USH1C: variants seen among roughly 807,000 people sequenced by gnomAD.
USH1C encodes harmonin.
USH1C carries 90 observed loss-of-function variants against 119.3 expected under a neutral mutation model. That is an observed-to-expected ratio of 0.75 (90% CI 0.64 to 0.90). The LOEUF (loss-of-function observed/expected upper bound fraction) is 0.90, where lower values mean the gene tolerates loss of function less well. USH1C is among the 40% of genes least tolerant of loss of function. USH1C has a pLI of 0.00. For synonymous variants in USH1C, 465 were observed against 443.3 expected (o/e 1.05, Z -0.62); for missense variants, 1,165 against 1,167.7 (o/e 1.00, Z 0.03).
Position 17,509,545 on chromosome 11 carries a change from C to T in USH1C, c.1824G>A (p.Pro608=), listed in dbSNP as rs201101932. Residue 608 remains proline, a synonymous_variant, in exon 18 of 27, where the codon CCG becomes CCA. Coordinates refer to ENST00000005226, the MANE Select transcript of USH1C (RefSeq NM_153676.4). ...RTPPPIPIPP[P]PSVPTQDLTP... Reference sequence around the variant, plus strand: ...TGAGGTCTTGGGTGGGAACGGATGGCGGGGGAGGGATGGGAATGGGGGGTG... The same window carrying T: ...TGAGGTCTTGGGTGGGAACGGATGGTGGGGGAGGGATGGGAATGGGGGGTG... 23 of 333,784 alleles carry T rather than the reference C, an allele frequency of 6.9e-5. No individual in the cohort carries two copies. The East Asian group carries it at 8.2e-4, about 12-fold the overall frequency. The allele number at this position is 333,784 out of a possible 1,614,324, so 20.7% of individuals were successfully genotyped here.
chr11:17,510,643 T>C (rs1849848981), intron 16 of USH1C, 122 bp from the exon 17 acceptor site: 1 of 784,474 alleles, frequency 1.3e-6, no homozygotes, highest in South Asian at 1.4e-5. Context: ...GCATCAGCTA[T>C]CTAGAAAGAG....
At chr11:17,522,473 G>C (rs373412791) in intron 12 of USH1C, among the ~76,000 whole-genome samples, 1 of 152,224 alleles carries the variant, frequency 6.6e-6, no homozygotes, top group Admixed American at 6.5e-5. Flanking sequence ...CAGCCTTATG[G>C]AGGTACTTGA....
chr11:17,522,628 T>C (rs1054662126), intron 12 of USH1C, among the ~76,000 whole-genome samples, 156 bp downstream of exon 12: 4 of 152,086 alleles, frequency 2.6e-5, no homozygotes, highest in African/African-American at 9.7e-5. Flanking sequence ...CAAGGATGGA[T>C]ACGCTGACCT....
chr11:17,511,229 G>T lies in USH1C; in HGVS notation c.1413+673C>A, dbSNP rs532978322. Among the ~76,000 whole-genome samples the T allele has an allele frequency of 6.0e-4, 92 of 152,220 alleles. No individual in the cohort carries two copies. In the Middle Eastern group the frequency reaches 0.01, roughly 17 times the overall value. ...CCTTAGACACACCCTATGTTGAGGGGAGCAGCCTTAGACTGATAGCCTGAT... is the reference window on the plus strand; with the variant it reads ...CCTTAGACACACCCTATGTTGAGGGTAGCAGCCTTAGACTGATAGCCTGAT... On this transcript the variant is annotated intron_variant, in intron 16 of 26. Transcript: ENST00000005226.
chr11:17,524,193 A>G (rs954428453), intron 9 of USH1C, among the ~76,000 whole-genome samples: 1 of 152,224 alleles, frequency 6.6e-6, no homozygotes, highest in African/African-American at 2.4e-5. Flanking sequence ...GCAAGTGGAC[A>G]CTGAAGGTCC....
chr11:17,495,545 C>G, intron 26 of USH1C, 24 bp downstream of exon 26: 1 of 1,611,022 alleles, frequency 6.2e-7, no homozygotes. Flanking sequence ...CACACAGGGC[C>G]CTGTGGCCCG....
In USH1C at chr11:17,509,536, A is replaced by C. The variant is rs375010180; in HGVS notation, c.1833T>G (p.Val611=). 2 of 1,598,200 alleles carry C rather than the reference A, an allele frequency of 1.3e-6. No individual in the cohort carries two copies. The highest frequency in any genetic ancestry group is 1.4e-5 in the African/African-American group (1 of 74,072). Residue 611 remains valine, a synonymous_variant, in exon 18 of 27, where the codon GTT becomes GTG. Coordinates refer to ENST00000005226, the MANE Select transcript of USH1C (RefSeq NM_153676.4). ...PPIPIPPPPS[V]PTQDLTPTRP... Reference sequence around the variant, plus strand: ...GGGTGGGAGTGAGGTCTTGGGTGGGAACGGATGGCGGGGGAGGGATGGGAA... The same window carrying C: ...GGGTGGGAGTGAGGTCTTGGGTGGGCACGGATGGCGGGGGAGGGATGGGAA...
rs1849908567 is a variant in USH1C, at chr11:17,511,906, T to C, written c.1409A>G (p.Gln470Arg). Reference sequence around the variant, plus strand: ...GCCTGCAGGCAGGACACATACCTCCTGGGCCAGCCGGTTGATCTTTAGCTG... The same window carrying C: ...GCCTGCAGGCAGGACACATACCTCCCGGGCCAGCCGGTTGATCTTTAGCTG... ...EKQLKINRLA[Q>R]EVSETEREDL... is the part of the protein sequence containing the mutation. Residue 470 changes from glutamine (Q) to arginine (R), a missense_variant, in exon 16 of 27, where the codon CAG (glutamine) becomes CGG (arginine). Coordinates refer to ENST00000005226, the MANE Select transcript of USH1C (RefSeq NM_153676.4). 1 of 1,613,692 alleles carries C rather than the reference T, an allele frequency of 6.2e-7. No individual in the cohort carries two copies. Among genetic ancestry groups the C allele is most frequent in the East Asian group, 2.2e-5 (1 of 44,876 alleles).
At chr11:17,508,349 C>T (rs554840344) in intron 18 of USH1C, among the ~76,000 whole-genome samples, 4 of 152,314 alleles carry the variant, frequency 2.6e-5, no homozygotes, top group African/African-American at 9.6e-5. Context: ...TCACTCCCAC[C>T]TTCCTTGTAA....
chr11:17,521,074 A>G, intron 13 of USH1C, 80 bp from the exon 14 acceptor site: 1 of 1,582,388 alleles, frequency 6.3e-7, no homozygotes. Flanking sequence ...AGCCCCAGCC[A>G]GCCTGGGGAG....
chr11:17,504,482 C>T (rs945107458), intron 20 of USH1C, among the ~76,000 whole-genome samples, 165 bp downstream of exon 20: 1 of 152,194 alleles, frequency 6.6e-6, no homozygotes, highest in African/African-American at 2.4e-5. Flanking sequence ...TATCCTCCCC[C>T]ACCCCTGCGC....
chr11:17,494,236 G>T lies in USH1C; in HGVS notation c.*96C>A, dbSNP rs1849162338. ...TTGAGATTCCTGGGTGATAGATTCA[G>T]GTCCCAAGGATGCCATCTGGTGTGT... On this transcript the variant is annotated 3_prime_UTR_variant, in exon 27 of 27. Transcript: ENST00000005226. 1 of 1,420,938 alleles carries T rather than the reference G, an allele frequency of 7.0e-7. No homozygotes were observed. Among genetic ancestry groups the T allele is most frequent in the Non-Finnish European group, 9.7e-7 (1 of 1,026,962 alleles). The allele number at this position is 1,420,938 out of a possible 1,614,324, so 88.0% of individuals were successfully genotyped here. A position where few individuals can be genotyped will look rare whatever the true frequency, so the allele number is the denominator to read the frequency against.
rs759507268 is a variant in USH1C, at chr11:17,494,316, C to T, written c.*16G>A. ...AGGCTTTGTGTTCACGAGGTGGGGC[C>T]GGAGCTCACTGTTTCCTAACGGTGA... is the stretch of plus-strand genomic sequence containing the variant. On this transcript the variant is annotated 3_prime_UTR_variant, in exon 27 of 27. Transcript: ENST00000005226. The T allele has an allele frequency of 3.2e-5, 52 of 1,606,964 alleles. No homozygotes were observed. In the Admixed American group the frequency reaches 6.4e-4, roughly 20 times the overall value.
At chr11:17,522,965 G>A (rs1311519721) in intron 11 of USH1C, 39 bp from the exon 12 acceptor site, 13 of 1,600,076 alleles carry the variant, frequency 8.1e-6, no homozygotes, top group Non-Finnish European at 1.1e-5. Context: ...AGCCCCCGGG[G>A]AACCTGGGGA....
chr11:17,494,676 G>C (rs1849183782), intron 26 of USH1C: 1 of 469,602 alleles, frequency 2.1e-6, no homozygotes, highest in African/African-American at 2.0e-5. Context: ...GGCCATGCAG[G>C]CCACCCCAGA....
At position 17,510,536 on chromosome 11, in the gene USH1C, C is replaced by A; in HGVS notation, c.1414-15G>T. ...GTCTCAGACACCTGGGACCCAGGAT[C>A]GGCGCAGAAAGGAGAGGACAAAGGG... On this transcript the variant is annotated splice_polypyrimidine_tract_variant and intron_variant, in intron 16 of 26. Transcript: ENST00000005226. 1.2e-6 allele frequency: 2 copies of A among 1,602,076 alleles called. No individual in the cohort carries two copies. The highest frequency in any genetic ancestry group is 2.2e-5 in the South Asian group (2 of 90,832).
At chr11:17,518,497 C>T (rs189703521) in intron 14 of USH1C, among the ~76,000 whole-genome samples, 66 of 152,330 alleles carry the variant, frequency 4.3e-4, no homozygotes, top group Non-Finnish European at 4.9e-4. Flanking sequence ...TACATAACTC[C>T]TGCCTAAGCT....
In USH1C at chr11:17,526,352, G is replaced by A; in HGVS notation, c.669C>T (p.Gly223=). ...AGGGCATGCCTGCCACCCACCTGCAGCCAAGGCCTCGGGAGCCTACCAGGC... is the reference window on the plus strand; with the variant it reads ...AGGGCATGCCTGCCACCCACCTGCAACCAAGGCCTCGGGAGCCTACCAGGC... ...FISLVGSRGL[G]CSISSGPIQK... Residue 223 remains glycine, a synonymous_variant, in exon 8 of 27, where the codon GGC becomes GGT. Transcript: ENST00000005226. 1 of 1,613,626 alleles carries A rather than the reference G, an allele frequency of 6.2e-7. No individual in the cohort carries two copies. Among genetic ancestry groups the A allele is most frequent in the Non-Finnish European group, 8.5e-7 (1 of 1,179,832 alleles).
At chr11:17,543,424 C>T (rs544288611) in intron 1 of USH1C, among the ~76,000 whole-genome samples, 1 of 149,534 alleles carries the variant, frequency 6.7e-6, no homozygotes, top group Non-Finnish European at 1.5e-5. Context: ...CCACCCCCCC[C>T]AAGCGGCTTC....
Sources: gnomAD v4.1 joint callset for allele counts (sites outside exome capture counted in the v4.1 genomes callset) on GRCh38, gnomAD v4.1.1 for gene constraint, MANE v1.5 for transcripts, NCBI Gene and HGNC (gene_info 2026-07-23, HGNC 2026-07-21) for gene names.